AGT: variants seen among roughly 807,000 people sequenced by gnomAD.
AGT encodes alpha-1 antiproteinase, antitrypsin.
Under a neutral mutation model 28.1 loss-of-function variants are expected in AGT, and 26 were observed. The ratio of observed to expected loss-of-function variants is 0.92; its 90% CI spans 0.68 to 1.28. The LOEUF is 1.28. Among genes scored for constraint, AGT ranks in the 50% most tolerant of loss-of-function variants. The pLI, the probability that AGT is intolerant of heterozygous loss-of-function variation, is 0.00. For synonymous variants in AGT, 259 were observed against 259.6 expected (o/e 1.00, Z 0.02); for missense variants, 596 against 592.3 (o/e 1.01, Z -0.06).
At chr1:230,739,395 G>T (rs1439259291) in intron 1 of AGT, among the ~76,000 whole-genome samples, 1 of 151,866 alleles carries the variant, frequency 6.6e-6, no homozygotes, top group Admixed American at 6.6e-5. Context: ...GCGGGGGGTG[G>T]CTGGGAATTA....
intron 1 of AGT, among the ~76,000 whole-genome samples, chr1:230,724,621 T>C (rs2102799730): frequency 6.6e-6 from 1 of 152,060 alleles, no homozygotes; most frequent in Non-Finnish European, 1.5e-5. Flanking sequence ...CCCAGGAGTT[T>C]GAGACCAGCT....
In AGT at chr1:230,705,932, C is replaced by T; in HGVS notation, c.1097+1G>A. 1 of 1,614,070 alleles carries T rather than the reference C, an allele frequency of 6.2e-7. No homozygotes were observed. The highest frequency in any genetic ancestry group is 1.1e-5 in the South Asian group (1 of 91,048). On this transcript the variant is annotated splice_donor_variant, in intron 3 of 4. Coordinates refer to ENST00000366667, the MANE Select transcript of AGT (RefSeq NM_001384479.1). LOFTEE classifies it high-confidence loss of function. ...TCCAGGGGAGACCGGGAGGCTCCTA[C>T]CGGGGAGATAGTTTCTTCATCCAGT...
In AGT at chr1:230,710,010, AG is replaced by A; in HGVS notation, c.813del (p.Tyr272ThrfsTer8). The A allele has an allele frequency of 6.2e-7, 1 of 1,614,182 alleles. No homozygotes were observed. Among genetic ancestry groups the A allele is most frequent in the Non-Finnish European group, 8.5e-7 (1 of 1,180,040 alleles). Reference protein sequence around the residue: ...ASVDSTLAFNTYVHFQGKMKG... With the variant: ...ASVDSTLAFNXYVHFQGKMKG... ...TTTGCCTTACCTTGGAAGTGGACGT[AG>A]GTGTTGAAAGCCAGGGTGCTGTCCA... On this transcript the variant is annotated frameshift_variant, in exon 2 of 5. Transcript: ENST00000366667. LOFTEE classifies it high-confidence loss of function.
intron 1 of AGT, among the ~76,000 whole-genome samples, chr1:230,711,636 C>T (rs1183304934): frequency 2.6e-5 from 4 of 151,920 alleles, no homozygotes; most frequent in African/African-American, 7.3e-5. Flanking sequence ...AACATGCAGC[C>T]GGGATTGAGC....
chr1:230,723,926 G>A (rs1336204023), intron 1 of AGT, among the ~76,000 whole-genome samples: 1 of 152,194 alleles, frequency 6.6e-6, no homozygotes, highest in Non-Finnish European at 1.5e-5. Context: ...CTTTTCCAAT[G>A]TACATTCCAG....
At chr1:230,720,472 G>A (rs1307283440) in intron 1 of AGT, among the ~76,000 whole-genome samples, 1 of 151,836 alleles carries the variant, frequency 6.6e-6, no homozygotes, top group African/African-American at 2.4e-5. Context: ...TTCCTACTAA[G>A]GGCAGGAGGA....
At position 230,710,592 on chromosome 1, in the gene AGT, G is replaced by A; in HGVS notation, c.232C>T (p.Gln78Ter). ...AGTTTTGCAGCGACTAGCACCAGCT[G>A]GTCCTGTAGGGCCTTTTCATCCACA... ...SPVDEKALQDQLVLVAAKLDT... is the reference protein window; with the variant it reads ...SPVDEKALQD The change falls in exon 2 of 5, where the codon CAG (glutamine) becomes TAG (stop). Residue 78 changes from glutamine to a stop codon, truncating the protein, a stop_gained. Coordinates refer to ENST00000366667, the MANE Select transcript of AGT (RefSeq NM_001384479.1). LOFTEE classifies it high-confidence loss of function. 6.2e-7 allele frequency: 1 copy of A among 1,614,274 alleles called. No individual in the cohort carries two copies.
At chr1:230,728,456 G>A (rs1277850096) in intron 1 of AGT, among the ~76,000 whole-genome samples, 1 of 152,110 alleles carries the variant, frequency 6.6e-6, no homozygotes, top group East Asian at 1.9e-4. Context: ...GCCCCAAAAT[G>A]ACCCAGGACA....
At chr1:230,708,771 T>G (rs1158736444) in intron 2 of AGT, among the ~76,000 whole-genome samples, 3 of 152,164 alleles carry the variant, frequency 2.0e-5, no homozygotes, top group Non-Finnish European at 4.4e-5. Context: ...GTGCCTGGAC[T>G]CTTGCGTAAC....
intron 2 of AGT, among the ~76,000 whole-genome samples, chr1:230,707,000 C>A (rs1260769228): frequency 2.0e-5 from 3 of 152,212 alleles, no homozygotes; most frequent in Non-Finnish European, 2.9e-5. Context: ...ACGCAGGCCC[C>A]GGAAACGAGG....
intron 1 of AGT, among the ~76,000 whole-genome samples, chr1:230,720,583 C>G (rs1299282699): frequency 1.3e-5 from 2 of 152,228 alleles, no homozygotes; most frequent in Admixed American, 1.3e-4. Flanking sequence ...AACTTAAATC[C>G]TTGGACCAGA....
chr1:230,735,548 G>T (rs998241892), intron 1 of AGT, among the ~76,000 whole-genome samples: 1 of 152,070 alleles, frequency 6.6e-6, no homozygotes, highest in Non-Finnish European at 1.5e-5. Context: ...CTTGGAGGAG[G>T]CCTGCCCCTG....
chr1:230,706,792 C>A (rs1189767215), intron 2 of AGT, among the ~76,000 whole-genome samples: 1 of 152,162 alleles, frequency 6.6e-6, no homozygotes, highest in African/African-American at 2.4e-5. Flanking sequence ...TTGAGTCTCC[C>A]TCCTGGTGTT....
rs188522752 is a variant in AGT at position 230,721,125 on chromosome 1, A to G, written c.-30-10272T>C. Among the ~76,000 whole-genome samples, 438 of 152,368 alleles carry G rather than the reference A, an allele frequency of 2.9e-3. 11 individuals are homozygous for G. The highest frequency in any genetic ancestry group is 0.025 in the Admixed American group (387 of 15,306). On this transcript the variant is annotated intron_variant, in intron 1 of 4. Transcript: ENST00000681269. ...TGCATCACTGCTCTCCTCTGTAACC[A>G]TTAGTGGTCAAGTAAGATAGTTCTG...
At chr1:230,726,526 A>G (rs1352486883) in intron 1 of AGT, among the ~76,000 whole-genome samples, 2 of 152,112 alleles carry the variant, frequency 1.3e-5, no homozygotes, top group Non-Finnish European at 2.9e-5. Flanking sequence ...AGATCCTAAG[A>G]TGTCACTCTA....
intron 1 of AGT, among the ~76,000 whole-genome samples, chr1:230,720,204 G>C (rs1406644681): frequency 1.3e-5 from 2 of 152,140 alleles, no homozygotes; most frequent in Non-Finnish European, 2.9e-5. Flanking sequence ...CTCACTGTGT[G>C]CAAACTCCAG....
intron 4 of AGT, among the ~76,000 whole-genome samples, chr1:230,703,589 T>C (rs1296714286): frequency 6.6e-6 from 1 of 152,154 alleles, no homozygotes; most frequent in African/African-American, 2.4e-5. Context: ...ACCCCTTACA[T>C]CCTCCCATCT....
chr1:230,715,545 T>A (rs938928352), upstream of AGT, among the ~76,000 whole-genome samples: 9 of 152,172 alleles, frequency 5.9e-5, no homozygotes, highest in African/African-American at 9.7e-5. Flanking sequence ...TTAATTTTTT[T>A]AAAATAAGAG....
In AGT at chr1:230,705,846, C is replaced by T; in HGVS notation, c.1097+87G>A. 4 of 1,550,650 alleles carry T rather than the reference C, an allele frequency of 2.6e-6. No individual in the cohort carries two copies. In the South Asian group the frequency reaches 4.5e-5, roughly 17 times the overall value. On this transcript the variant is annotated intron_variant, in intron 3 of 4. Coordinates refer to ENST00000366667, the MANE Select transcript of AGT (RefSeq NM_001384479.1). ...GCCCTGCTCTGCACCCAAGGCTCAG[C>T]TCAGGTGTGTCTACTCCCCACCCCG...
Sources: allele counts gnomAD v4.1 joint callset (sites outside exome capture counted in the v4.1 genomes callset), GRCh38; gene constraint gnomAD v4.1.1; transcripts MANE v1.5; gene names NCBI Gene and HGNC (gene_info 2026-07-23, HGNC 2026-07-21).